Variants in ADGRG6 observed in about 807,000 individuals in gnomAD.
The protein encoded by ADGRG6 is adhesion G protein-coupled receptor G6, also known as G-protein coupled receptor 126.
ADGRG6 carries 84 observed loss-of-function variants against 142.4 expected under a neutral mutation model. The ratio of observed to expected loss-of-function variants is 0.59; its 90% CI spans 0.49 to 0.71. The LOEUF (loss-of-function observed/expected upper bound fraction) is 0.71, where lower values mean the gene tolerates loss of function less well. ADGRG6 is among the 30% of genes least tolerant of loss of function. The probability of loss-of-function intolerance (pLI) is 0.00; values close to 1 mark genes in which losing one functional copy is unlikely to be tolerated. For synonymous variants in ADGRG6, 521 were observed against 520.5 expected (o/e 1.00, Z -0.01); for missense variants, 1,367 against 1,466.6 (o/e 0.93, Z 1.11).
Position 142,408,131 on chromosome 6 carries a change from A to AT in ADGRG6, c.2269-10dup, listed in dbSNP as rs762516333. 1,288 of 1,504,830 alleles carry AT rather than the reference A, an allele frequency of 8.6e-4. 1 individual carries two copies. Among genetic ancestry groups the AT allele is most frequent in the South Asian group, 1.8e-3 (140 of 76,856 alleles). 93.2% of individuals were successfully genotyped at this position (1,504,830 alleles called of 1,614,324 possible). ...AGTGTACTTCTGACTGATACACGCG[A>AT]TTTTTTTTTCTTTAAAAGGATGTAG... On this transcript the variant is annotated intron_variant, in intron 15 of 24. Transcript: ENST00000367609.
intron 10 of ADGRG6, among the ~76,000 whole-genome samples, chr6:142,399,716 A>G (rs988868522): frequency 2.6e-5 from 4 of 152,238 alleles, no homozygotes; most frequent in Non-Finnish European, 5.9e-5. Flanking sequence ...TAAAGTTCAC[A>G]GTATACATGG....
At chr6:142,356,234 A>G (rs1054638181) in intron 2 of ADGRG6, among the ~76,000 whole-genome samples, 1 of 152,196 alleles carries the variant, frequency 6.6e-6, no homozygotes, top group African/African-American at 2.4e-5. Context: ...ATTAAGTAGA[A>G]AGGAGGTGAT....
chr6:142,420,128 GTC>G, intron 22 of ADGRG6, 24 bp downstream of exon 22: 1 of 1,570,868 alleles, frequency 6.4e-7, no homozygotes, highest in Non-Finnish European at 8.7e-7. Flanking sequence ...TACATGAATA[GTC>G]TCTGCTTTCT....
chr6:142,397,509 A>G, intron 9 of ADGRG6, 104 bp from the exon 10 acceptor site: 2 of 970,470 alleles, frequency 2.1e-6, no homozygotes, highest in Non-Finnish European at 3.2e-6. Context: ...TTCAGTCTCA[A>G]CAGGTGATGG....
intron 2 of ADGRG6, among the ~76,000 whole-genome samples, chr6:142,326,457 G>T (rs766422884): frequency 5.3e-5 from 8 of 151,278 alleles, no homozygotes; most frequent in Non-Finnish European, 8.8e-5. Context: ...GGCATATCTT[G>T]CTGGACCTAA....
At chr6:142,315,005 T>TTA (rs1554229844) in intron 2 of ADGRG6, among the ~76,000 whole-genome samples, 1 of 150,658 alleles carries the variant, frequency 6.6e-6, no homozygotes, top group African/African-American at 2.5e-5. Context: ...TGTGTGTGTG[T>TTA]TATACAGTCT....
chr6:142,423,077 A>G (rs1776742438), intron 22 of ADGRG6, among the ~76,000 whole-genome samples: 1 of 148,808 alleles, frequency 6.7e-6, no homozygotes, highest in Admixed American at 6.7e-5. Context: ...CCTTTGTCAG[A>G]TGAGTAGGTT....
intron 2 of ADGRG6, among the ~76,000 whole-genome samples, chr6:142,338,746 G>A (rs567144911): frequency 6.6e-6 from 1 of 152,112 alleles, no homozygotes; most frequent in African/African-American, 2.4e-5. Context: ...TCTAAAAGAA[G>A]TATAATTCTT....
chr6:142,424,527 G>A (rs1484795281), intron 22 of ADGRG6, among the ~76,000 whole-genome samples: 1 of 146,502 alleles, frequency 6.8e-6, no homozygotes, highest in African/African-American at 2.6e-5. Flanking sequence ...AAGCCCACTT[G>A]ATCATGGTGG....
chr6:142,322,281 T>C (rs1420659513), intron 2 of ADGRG6, among the ~76,000 whole-genome samples: 1 of 152,008 alleles, frequency 6.6e-6, no homozygotes, highest in African/African-American at 2.4e-5. Flanking sequence ...ATGCCTGTGG[T>C]CCCAGTTTCT....
At chr6:142,338,855 C>T (rs1779479632) in intron 2 of ADGRG6, among the ~76,000 whole-genome samples, 1 of 152,064 alleles carries the variant, frequency 6.6e-6, no homozygotes, top group Non-Finnish European at 1.5e-5. Flanking sequence ...CCTCATCTGC[C>T]CCACAAACAT....
intron 2 of ADGRG6, among the ~76,000 whole-genome samples, chr6:142,336,449 G>A (rs764024526): frequency 2.0e-5 from 3 of 152,126 alleles, no homozygotes; most frequent in Non-Finnish European, 4.4e-5. Flanking sequence ...AGGTTTGCTT[G>A]TTTGTGGTTT....
chr6:142,423,408 T>C (rs1485290491), intron 22 of ADGRG6, among the ~76,000 whole-genome samples: 1 of 152,204 alleles, frequency 6.6e-6, no homozygotes, highest in Non-Finnish European at 1.5e-5. Context: ...CCCAGCACCA[T>C]TTATTAATTA....
At chr6:142,369,075 C>T (rs117267744) in intron 3 of ADGRG6, among the ~76,000 whole-genome samples, 2,846 of 152,056 alleles carry the variant, frequency 0.019, 57 homozygotes, top group Non-Finnish European at 0.027. Flanking sequence ...TATACTAAAA[C>T]GATGTTTTAT....
At position 142,392,952 on chromosome 6, in the gene ADGRG6, A is replaced by G. The variant is rs376357580; in HGVS notation, c.1313A>G (p.Asn438Ser). The G allele has an allele frequency of 4.4e-6, 7 of 1,597,088 alleles. No homozygotes were observed. The highest frequency in any genetic ancestry group is 1.3e-5 in the African/African-American group (1 of 74,532). The change falls in exon 8 of 25, where the codon AAT becomes AGT. Residue 438 changes from asparagine to serine, a missense_variant. By Grantham distance (46) the Asn-to-Ser change is conservative (BLOSUM62 1). This residue lies in a region of ADGRG6 where 737 missense variants were observed against 746.5 expected (regional missense o/e 0.99). Transcript: ENST00000367609. ...CTTTTCCATTGTGTTTTCCAGCTCA[A>G]TTCAACCTTCCAAAATTGGAACTAC... Reference protein sequence around the residue: ...KVQSKVAEWLNSTFQNWNYTV... With the variant: ...KVQSKVAEWLSSTFQNWNYTV...
Position 142,309,568 on chromosome 6 carries a change from G to A in ADGRG6, c.27G>A (p.Trp9Ter). 6.2e-7 allele frequency: 1 copy of A among 1,609,222 alleles called. No individual in the cohort carries two copies. The highest frequency in any genetic ancestry group is 8.5e-7 in the Non-Finnish European group (1 of 1,177,338). MMFRSDRM[W>*]SCHWKWKPSP... ...GGATGTTTCGCTCAGATCGAATGTG[G>A]AGCTGCCATTGGAAATGGAAGCCCA... Residue 9 changes from tryptophan to a stop codon, truncating the protein, a stop_gained, in exon 2 of 25, where the codon TGG becomes TGA. Coordinates refer to ENST00000367609, the MANE Select transcript of ADGRG6 (RefSeq NM_198569.3). LOFTEE classifies it high-confidence loss of function.
Position 142,370,225 on chromosome 6 carries a change from C to T in ADGRG6, c.501C>T (p.Tyr167=), listed in dbSNP as rs200893894. ...TTTTACCCCAGACATCAGATGCTTA[C>T]CAGGTATCTGTTGCAAAAAGCATCT... ...KVILPQTSDA[Y]QVSVAKSISI... is the part of the protein sequence containing the mutation. The change falls in exon 4 of 25, where the codon TAC becomes TAT. Residue 167 remains tyrosine (Y), a synonymous_variant. Coordinates refer to ENST00000367609, the MANE Select transcript of ADGRG6 (RefSeq NM_198569.3). 302 of 1,608,096 alleles carry T rather than the reference C, an allele frequency of 1.9e-4. No individual in the cohort carries two copies. In the African/African-American group the frequency reaches 3.8e-3, roughly 20 times the overall value.
chr6:142,322,046 A>G (rs1230334405), intron 2 of ADGRG6, among the ~76,000 whole-genome samples: 5 of 152,110 alleles, frequency 3.3e-5, no homozygotes, highest in Non-Finnish European at 7.4e-5. Context: ...AGAATATTCA[A>G]TTTTACTGTA....
chr6:142,424,813 G>T (rs1776859392), intron 22 of ADGRG6, among the ~76,000 whole-genome samples: 1 of 152,032 alleles, frequency 6.6e-6, no homozygotes, highest in African/African-American at 2.4e-5. Flanking sequence ...ATTCTAGTAG[G>T]GGAGACAGGT....
Sources: gnomAD v4.1 joint callset for allele counts (sites outside exome capture counted in the v4.1 genomes callset) on GRCh38, gnomAD v4.1.1 for gene constraint, gnomAD v4.1.1 regional missense constraint, MANE v1.5 for transcripts, NCBI Gene and HGNC (gene_info 2026-07-23, HGNC 2026-07-21) for gene names.